MPPED2: variants seen among roughly 807,000 people sequenced by gnomAD.
MPPED2 encodes metallophosphoesterase MPPED2.
A neutral mutation model predicts 33.0 loss-of-function variants in MPPED2; 5 were observed. The ratio of observed to expected loss-of-function variants is 0.15; its 90% CI spans 0.08 to 0.32. The LOEUF is 0.32. Among genes scored for constraint, MPPED2 ranks in the 10% least tolerant of loss-of-function variants. The pLI is 1.00. For synonymous variants in MPPED2, 136 were observed against 141.9 expected (o/e 0.96, Z 0.29); for missense variants, 275 against 372.1 (o/e 0.74, Z 2.15).
intron 5 of MPPED2, among the ~76,000 whole-genome samples, chr11:30,416,062 T>C (rs1041572652): frequency 2.0e-5 from 3 of 152,248 alleles, no homozygotes; most frequent in African/African-American, 7.2e-5. Context: ...GCTACTCTAA[T>C]GGTTGTAAAA....
At chr11:30,569,136 T>C (rs576998382) in intron 2 of MPPED2, among the ~76,000 whole-genome samples, 3 of 152,162 alleles carry the variant, frequency 2.0e-5, no homozygotes, top group Non-Finnish European at 4.4e-5. Context: ...CCGACAGCCA[T>C]TAACATCGTG....
downstream of MPPED2, among the ~76,000 whole-genome samples, chr11:30,409,604 G>C (rs977092127): frequency 6.6e-6 from 1 of 152,180 alleles, no homozygotes; most frequent in Non-Finnish European, 1.5e-5. Flanking sequence ...TGCGCCAAAG[G>C]ATCCACAATA....
At chr11:30,549,185 C>A (rs942720209) in intron 2 of MPPED2, among the ~76,000 whole-genome samples, 1 of 152,208 alleles carries the variant, frequency 6.6e-6, no homozygotes, top group African/African-American at 2.4e-5. Flanking sequence ...AAATAACACA[C>A]AAAGCCAATT....
intron 4 of MPPED2, among the ~76,000 whole-genome samples, chr11:30,487,171 GC>G: frequency 6.6e-6 from 1 of 152,198 alleles, no homozygotes; most frequent in African/African-American, 2.4e-5. Context: ...ATTAAAAGGA[GC>G]CTATTAGTGT....
intron 3 of MPPED2, among the ~76,000 whole-genome samples, chr11:30,528,316 CACGAT>C (rs1213415155): frequency 6.6e-6 from 1 of 152,148 alleles, no homozygotes; most frequent in Non-Finnish European, 1.5e-5. Flanking sequence ...AGTGCAGTAG[CACGAT>C]CTTGGCTCAC....
chr11:30,409,258 C>T (rs886190033), downstream of MPPED2, among the ~76,000 whole-genome samples: 3 of 152,132 alleles, frequency 2.0e-5, no homozygotes, highest in Non-Finnish European at 4.4e-5. Flanking sequence ...GTACCTCTCA[C>T]TCCAACCCCC....
At chr11:30,436,050 C>CTT (rs71060449) in intron 4 of MPPED2, among the ~76,000 whole-genome samples, 7,438 of 108,296 alleles carry the variant, frequency 0.069, 354 homozygotes, top group South Asian at 0.19. Flanking sequence ...AGTTTAGCAT[C>CTT]TTTTTTTTTT....
Position 30,488,300 on chromosome 11 carries a change from A to G in MPPED2, c.536+6996T>C, listed in dbSNP as rs557258795. On this transcript the variant is annotated intron_variant, in intron 4 of 6. Coordinates refer to ENST00000358117, the MANE Select transcript of MPPED2 (RefSeq NM_001584.3). Reference sequence around the variant, plus strand: ...TGAGTGAAATACACCATCCAAATGTAAATTTATTATTGTTGTTTGCCAAAT... The same window carrying G: ...TGAGTGAAATACACCATCCAAATGTGAATTTATTATTGTTGTTTGCCAAAT... Among the ~76,000 whole-genome samples the G allele has an allele frequency of 8.5e-4, 129 of 152,356 alleles. 3 individuals are homozygous for G. In the Middle Eastern group the frequency reaches 0.014, roughly 16 times the overall value.
intron 4 of MPPED2, among the ~76,000 whole-genome samples, chr11:30,494,737 CAAAAAAAAAAA>C (rs767500886): frequency 1.7e-4 from 8 of 47,624 alleles, no homozygotes; most frequent in African/African-American, 5.6e-4. Context: ...TACTCCACCT[CAAAAAAAAAAA>C]AAAAAAAAAA....
At chr11:30,515,363 C>T (rs1265830724) in intron 3 of MPPED2, among the ~76,000 whole-genome samples, 1 of 152,036 alleles carries the variant, frequency 6.6e-6, no homozygotes, top group East Asian at 1.9e-4. Context: ...ATTAAAGCTC[C>T]AATTATGAGG....
rs117232803 is a variant in MPPED2 at position 30,555,411 on chromosome 11, G to A, written c.129-19236C>T. Among the ~76,000 whole-genome samples the A allele has an allele frequency of 9.8e-3, 1,496 of 152,240 alleles. 25 individuals are homozygous for A. The highest frequency in any genetic ancestry group is 0.02 in the Middle Eastern group (6 of 294). ...GAATTTTCAGACCTAGAGTACTTCA[G>A]GCTACTGTTCACATGGTTCTTAGAT... On this transcript the variant is annotated intron_variant, in intron 2 of 6. Coordinates refer to ENST00000358117, the MANE Select transcript of MPPED2 (RefSeq NM_001584.3).
chr11:30,446,825 C>T (rs569429911), intron 4 of MPPED2, among the ~76,000 whole-genome samples: 1 of 152,274 alleles, frequency 6.6e-6, no homozygotes, highest in African/African-American at 2.4e-5. Context: ...CGCCAAGTCC[C>T]AGTCTAAAAT....
intron 2 of MPPED2, among the ~76,000 whole-genome samples, chr11:30,539,174 A>G (rs1954969596): frequency 6.6e-6 from 1 of 152,162 alleles, no homozygotes; most frequent in South Asian, 2.1e-4. Context: ...TTTTCACTAT[A>G]AAAGTACATC....
In MPPED2 at chr11:30,451,422, A is replaced by C. The variant is rs553290214; in HGVS notation, c.537-33789T>G. Among the ~76,000 whole-genome samples the C allele has an allele frequency of 2.0e-5, 3 of 152,310 alleles. No individual in the cohort carries two copies. The South Asian group carries it at 6.2e-4, about 32-fold the overall frequency. ...CAGTTTGAAGTGAGAGCTCAGACTG[A>C]GGGATGTGGTCTTTGCCAGAGGCAA... is the stretch of plus-strand genomic sequence containing the variant. On this transcript the variant is annotated intron_variant, in intron 4 of 6. Transcript: ENST00000358117.
At chr11:30,508,866 C>T (rs1240423938) in intron 3 of MPPED2, among the ~76,000 whole-genome samples, 1 of 152,136 alleles carries the variant, frequency 6.6e-6, no homozygotes, top group Non-Finnish European at 1.5e-5. Flanking sequence ...ATTTGTCTAA[C>T]GAGTTCTCTT....
chr11:30,583,134 C>CTTTTTTTTTTTTTTTTTTTTTTTTTTTT (rs199611856), intron 1 of MPPED2, among the ~76,000 whole-genome samples: 5 of 96,680 alleles, frequency 5.2e-5, no homozygotes, highest in African/African-American at 1.5e-4. Context: ...AAGACTTTTT[C>CTTTTTTTTTTTTTTTTTTTTTTTTTTTT]TTTTTTTTTT....
At chr11:30,490,949 T>C (rs1404535558) in intron 4 of MPPED2, among the ~76,000 whole-genome samples, 2 of 152,202 alleles carry the variant, frequency 1.3e-5, no homozygotes, top group African/African-American at 4.8e-5. Context: ...AATATCAGGG[T>C]TCTTATTTTG....
chr11:30,440,341 A>AG (rs1949514396), intron 4 of MPPED2, among the ~76,000 whole-genome samples: 2 of 152,042 alleles, frequency 1.3e-5, no homozygotes, highest in Admixed American at 1.3e-4. Flanking sequence ...AAAAAAAAAA[A>AG]AAAAGTTTTA....
intron 2 of MPPED2, among the ~76,000 whole-genome samples, chr11:30,547,976 T>C (rs1430404554): frequency 2.6e-5 from 4 of 152,166 alleles, no homozygotes; most frequent in Admixed American, 2.6e-4. Flanking sequence ...CCTATGTACA[T>C]ACTGGGGAGG....
Sources: gnomAD v4.1 joint callset for allele counts (sites outside exome capture counted in the v4.1 genomes callset) on GRCh38, gnomAD v4.1.1 for gene constraint, MANE v1.5 for transcripts, NCBI Gene and HGNC (gene_info 2026-07-23, HGNC 2026-07-21) for gene names.